GBE1: variants seen among roughly 807,000 people sequenced by gnomAD.
The protein encoded by GBE1 is 1,4-alpha-glucan branching enzyme 1, also known as 1,4-alpha-glucan-branching enzyme.
A neutral mutation model predicts 88.8 loss-of-function variants in GBE1; 70 were observed. The observed-to-expected ratio is 0.79, with a 90% CI of 0.65 to 0.96. The LOEUF is 0.96. Ranked by LOEUF, GBE1 falls within the 40% of genes least tolerant of loss-of-function variation. The pLI is 0.00. For synonymous variants in GBE1, 284 were observed against 300.1 expected (o/e 0.95, Z 0.56); for missense variants, 872 against 871.0 (o/e 1.00, Z -0.01).
intron 7 of GBE1, among the ~76,000 whole-genome samples, chr3:81,619,753 T>C (rs957263959): frequency 3.9e-5 from 6 of 152,128 alleles, no homozygotes; most frequent in African/African-American, 7.2e-5. Context: ...TTAATTAAAA[T>C]AGAATTATCA....
In GBE1 at chr3:81,635,796, G is replaced by A. The variant is rs112559878; in HGVS notation, c.992+6985C>T. On this transcript the variant is annotated intron_variant, in intron 7 of 15. Coordinates refer to ENST00000429644, the MANE Select transcript of GBE1 (RefSeq NM_000158.4). ...GCATGCACCAACCATTGTTTTAAGC[G>A]AAAGAAAGAAAATAGAGAGATGTTT... is the stretch of plus-strand genomic sequence containing the variant. Among the ~76,000 whole-genome samples, 149 of 152,188 alleles carry A rather than the reference G, an allele frequency of 9.8e-4. 1 individual carries two copies. The highest frequency in any genetic ancestry group is 3.4e-3 in the African/African-American group (143 of 41,532).
At chr3:81,757,302 T>C (rs900555417) in intron 1 of GBE1, among the ~76,000 whole-genome samples, 11 of 151,894 alleles carry the variant, frequency 7.2e-5, no homozygotes, top group Admixed American at 2.0e-4. Flanking sequence ...ATCTTCTAAG[T>C]TATGGGAAGG....
chr3:81,599,436 A>G (rs1260896805), intron 7 of GBE1, among the ~76,000 whole-genome samples: 3 of 152,090 alleles, frequency 2.0e-5, no homozygotes, highest in African/African-American at 7.2e-5. Flanking sequence ...AACCCACTCT[A>G]ATAGAGCACA....
At chr3:81,736,714 T>A (rs1377394637) in intron 1 of GBE1, among the ~76,000 whole-genome samples, 1 of 152,160 alleles carries the variant, frequency 6.6e-6, no homozygotes, top group Admixed American at 6.6e-5. Context: ...ATTTATTCCT[T>A]CTTAATCTTA....
At chr3:81,661,140 T>TA (rs530104899) in intron 3 of GBE1, among the ~76,000 whole-genome samples, 5 of 151,738 alleles carry the variant, frequency 3.3e-5, no homozygotes, top group Admixed American at 6.6e-5. Flanking sequence ...AAAGTATTTC[T>TA]AAAAAAAATG....
At position 81,737,785 on chromosome 3, in the gene GBE1, G is replaced by A. The variant is rs561659836; in HGVS notation, c.143+23590C>T. Among the ~76,000 whole-genome samples the A allele has an allele frequency of 7.9e-5, 12 of 151,782 alleles. No homozygotes were observed. The South Asian group carries it at 2.5e-3, about 32-fold the overall frequency. On this transcript the variant is annotated intron_variant, in intron 1 of 15. Coordinates refer to ENST00000429644, the MANE Select transcript of GBE1 (RefSeq NM_000158.4). ...TTATTATTATACTTTAAGTTTTAGGGTACATGTGCACAATGCGCAGGTTAG... is the reference window on the plus strand; with the variant it reads ...TTATTATTATACTTTAAGTTTTAGGATACATGTGCACAATGCGCAGGTTAG...
intron 1 of GBE1, among the ~76,000 whole-genome samples, chr3:81,745,581 T>G (rs1214391678): frequency 1.3e-5 from 2 of 151,898 alleles, no homozygotes; most frequent in Non-Finnish European, 1.5e-5. Flanking sequence ...ATCAGTAAAC[T>G]TGGTAGAGAT....
intron 14 of GBE1, among the ~76,000 whole-genome samples, chr3:81,500,427 A>G (rs1472208743): frequency 1.3e-5 from 2 of 152,246 alleles, no homozygotes; most frequent in African/African-American, 2.4e-5. Flanking sequence ...GGAATTTAAA[A>G]AAAACTATTA....
rs2106938616 is a variant in GBE1, at chr3:81,581,243, G to C, written c.1368C>G (p.Asn456Lys). ...LLKEFKDEDW[N>K]MGDIVYTLTN... ...TGAGCGTGTATACTATATCGCCCAT[G>C]TTCCAGTCTTCATCTTTAAACTCTT... Residue 456 changes from asparagine (N) to lysine (K), a missense_variant, in exon 11 of 16, where the codon AAC (asparagine) becomes AAG (lysine). Physicochemically the swap from Asn to Lys is moderately conservative, Grantham distance 94. Transcript: ENST00000429644. 6.3e-7 allele frequency: 1 copy of C among 1,599,784 alleles called. No individual in the cohort carries two copies. Among genetic ancestry groups the C allele is most frequent in the Admixed American group, 1.7e-5 (1 of 57,308 alleles).
At chr3:81,721,220 T>TAAAC (rs1706026840) in intron 1 of GBE1, among the ~76,000 whole-genome samples, 5 of 68,064 alleles carry the variant, frequency 7.3e-5, no homozygotes, top group East Asian at 6.4e-4. Flanking sequence ...AATAAATAAA[T>TAAAC]AAATAAATAA....
At chr3:81,601,712 A>T (rs761657095) in intron 7 of GBE1, among the ~76,000 whole-genome samples, 4 of 152,182 alleles carry the variant, frequency 2.6e-5, no homozygotes, top group Non-Finnish European at 5.9e-5. Context: ...TAATATATCA[A>T]TGTGTTCTAT....
chr3:81,684,659 C>T (rs1705407035), intron 2 of GBE1, among the ~76,000 whole-genome samples: 1 of 152,158 alleles, frequency 6.6e-6, no homozygotes, highest in African/African-American at 2.4e-5. Flanking sequence ...AACACTCAGT[C>T]CACAGCAGAA....
At chr3:81,592,289 A>G (rs1703889966) in intron 8 of GBE1, among the ~76,000 whole-genome samples, 2 of 151,994 alleles carry the variant, frequency 1.3e-5, no homozygotes. Context: ...ACATCTCTCC[A>G]TTTCCTCCAC....
At chr3:81,723,367 C>T (rs1706064069) in intron 1 of GBE1, among the ~76,000 whole-genome samples, 1 of 151,308 alleles carries the variant, frequency 6.6e-6, no homozygotes, top group Admixed American at 6.6e-5. Context: ...TCCCAAAGTG[C>T]TGGGATTACA....
At chr3:81,647,104 G>A (rs182884271) in intron 5 of GBE1, among the ~76,000 whole-genome samples, 51 of 151,888 alleles carry the variant, frequency 3.4e-4, no homozygotes, top group Non-Finnish European at 5.4e-4. Context: ...CTACAGGTGC[G>A]TGCCACCATC....
intron 1 of GBE1, among the ~76,000 whole-genome samples, chr3:81,750,877 A>G (rs1706520435): frequency 1.3e-5 from 2 of 150,566 alleles, no homozygotes; most frequent in Admixed American, 1.3e-4. Flanking sequence ...GGCAGGTTTC[A>G]CCATATTGGC....
At chr3:81,688,404 A>G (rs910550461) in intron 2 of GBE1, among the ~76,000 whole-genome samples, 2 of 152,258 alleles carry the variant, frequency 1.3e-5, no homozygotes, top group Non-Finnish European at 2.9e-5. Context: ...CACCCACAGA[A>G]TAAGTACTCA....
chr3:81,741,486 A>G (rs879397831), intron 1 of GBE1, among the ~76,000 whole-genome samples: 10 of 152,176 alleles, frequency 6.6e-5, no homozygotes, highest in Admixed American at 5.9e-4. Context: ...AGGAACAGCA[A>G]TGAAATCTAA....
intron 15 of GBE1, among the ~76,000 whole-genome samples, chr3:81,491,862 A>G (rs1702440202): frequency 6.6e-6 from 1 of 152,212 alleles, no homozygotes; most frequent in Admixed American, 6.5e-5. Flanking sequence ...CAACTCTACA[A>G]ATGTTTTCTC....
Sources: gnomAD v4.1 joint callset for allele counts (sites outside exome capture counted in the v4.1 genomes callset) on GRCh38, gnomAD v4.1.1 for gene constraint, MANE v1.5 for transcripts, NCBI Gene and HGNC (gene_info 2026-07-23, HGNC 2026-07-21) for gene names.